Variants in CSMD1 observed in about 807,000 individuals in gnomAD.
The protein encoded by CSMD1 is CUB and Sushi multiple domains 1, also known as CUB and sushi domain-containing protein 1.
Under a neutral mutation model 417.5 loss-of-function variants are expected in CSMD1, and 213 were observed. The ratio of observed to expected loss-of-function variants is 0.51; its 90% CI spans 0.46 to 0.57. CSMD1 has a LOEUF of 0.57. CSMD1 is among the 20% of genes least tolerant of loss of function. The probability of loss-of-function intolerance (pLI) is 0.00; values close to 1 mark genes in which losing one functional copy is unlikely to be tolerated. For synonymous variants in CSMD1, 2,862 were observed against 1,736.8 expected (o/e 1.65, Z -16.11); for missense variants, 6,923 against 4,529.7 (o/e 1.53, Z -15.17).
rs1033952038 is a variant in CSMD1 at position 4,451,371 on chromosome 8, G to A, written c.303-31306C>T. Among the ~76,000 whole-genome samples, 4 of 152,162 alleles carry A rather than the reference G, an allele frequency of 2.6e-5. No individual in the cohort carries two copies. The East Asian group carries it at 5.8e-4, about 22-fold the overall frequency. ...ACTCAAAATAATAAGGCAATCACAA[G>A]TGTTTATGGAAGATAATTATTGAAC... is the stretch of plus-strand genomic sequence containing the variant. On this transcript the variant is annotated intron_variant, in intron 2 of 69. Transcript: ENST00000635120.
intron 6 of CSMD1, among the ~76,000 whole-genome samples, chr8:3,750,909 C>G (rs761312260): frequency 6.6e-6 from 1 of 152,132 alleles, no homozygotes; most frequent in South Asian, 2.1e-4. Context: ...GAAAAATAAT[C>G]GTAGTGCCTT....
intron 68 of CSMD1, among the ~76,000 whole-genome samples, chr8:2,946,520 C>A (rs1428256911): frequency 6.6e-6 from 1 of 152,216 alleles, no homozygotes; most frequent in African/African-American, 2.4e-5. Context: ...GCTTCCTTCA[C>A]TTGGCATGAC....
chr8:4,730,266 G>T (rs556918434), intron 1 of CSMD1, among the ~76,000 whole-genome samples: 1 of 152,158 alleles, frequency 6.6e-6, no homozygotes, highest in African/African-American at 2.4e-5. Context: ...TTTATGTTCA[G>T]GGAACTCAGA....
chr8:3,318,765 G>A (rs1445704088), intron 23 of CSMD1, among the ~76,000 whole-genome samples: 2 of 152,110 alleles, frequency 1.3e-5, no homozygotes, highest in Admixed American at 6.6e-5. Flanking sequence ...GGGTTTCTGT[G>A]GAAGCCAGAT....
At chr8:4,300,567 G>A (rs1243985810) in intron 3 of CSMD1, among the ~76,000 whole-genome samples, 1 of 152,026 alleles carries the variant, frequency 6.6e-6, no homozygotes, top group East Asian at 1.9e-4. Context: ...AAGTTTTAGG[G>A]TACATGTGCA....
At position 4,437,311 on chromosome 8, in the gene CSMD1, G is replaced by GA. The variant is rs969094987; in HGVS notation, c.303-17247dup. On this transcript the variant is annotated intron_variant, in intron 2 of 69. Coordinates refer to ENST00000635120, the MANE Select transcript of CSMD1 (RefSeq NM_033225.6). ...TGAAATATGATTATTTAGTTTGAGA[G>GA]AAAAAAAATAAGCTTGTTTTAAAAA... Among the ~76,000 whole-genome samples the GA allele has an allele frequency of 6.6e-5, 10 of 151,902 alleles. No individual in the cohort carries two copies. In the South Asian group the frequency reaches 8.3e-4, roughly 13 times the overall value.
At chr8:3,535,011 A>T (rs186089011) in intron 10 of CSMD1, among the ~76,000 whole-genome samples, 79 of 152,312 alleles carry the variant, frequency 5.2e-4, no homozygotes, top group Middle Eastern at 3.4e-3. Context: ...GCAGTGGTGC[A>T]ATCAGAACTC....
chr8:3,594,115 G>T (rs1449277967), intron 8 of CSMD1, among the ~76,000 whole-genome samples: 2 of 152,074 alleles, frequency 1.3e-5, no homozygotes, highest in Non-Finnish European at 2.9e-5. Context: ...AAAACATTTA[G>T]CTGCTCCTCA....
intron 2 of CSMD1, among the ~76,000 whole-genome samples, chr8:4,595,629 C>T (rs1216522429): frequency 6.6e-6 from 1 of 152,130 alleles, no homozygotes; most frequent in Non-Finnish European, 1.5e-5. Context: ...AAGCTGGGTA[C>T]TGCGATGCAT....
intron 5 of CSMD1, among the ~76,000 whole-genome samples, chr8:3,909,696 C>T (rs1035745153): frequency 4.6e-5 from 7 of 152,082 alleles, no homozygotes; most frequent in Admixed American, 6.5e-5. Context: ...ATTCCTCCTT[C>T]GAAATTCTTG....
chr8:4,188,333 G>A (rs953240747), intron 3 of CSMD1, among the ~76,000 whole-genome samples: 2 of 152,106 alleles, frequency 1.3e-5, no homozygotes, highest in African/African-American at 4.8e-5. Context: ...TGGACCAAAT[G>A]AAAGACAATG....
At position 3,664,606 on chromosome 8, in the gene CSMD1, C is replaced by G. The variant is rs572809040; in HGVS notation, c.1009+43808G>C. Among the ~76,000 whole-genome samples, 24 of 152,342 alleles carry G rather than the reference C, an allele frequency of 1.6e-4. No individual in the cohort carries two copies. In the South Asian group the frequency reaches 4.8e-3, roughly 30 times the overall value. ...GAGTTTTCCTCTGCCTTGTATTATT[C>G]TGTCTGTCTCCCCACCATTTCAAAG... On this transcript the variant is annotated intron_variant, in intron 7 of 69. Transcript: ENST00000635120.
At chr8:4,276,133 A>C (rs192208254) in intron 3 of CSMD1, among the ~76,000 whole-genome samples, 1 of 152,316 alleles carries the variant, frequency 6.6e-6, no homozygotes, top group Non-Finnish European at 1.5e-5. Flanking sequence ...ATATACCCAA[A>C]GGGTTATAAA....
chr8:3,998,970 A>G (rs117482219), intron 4 of CSMD1, among the ~76,000 whole-genome samples: 5,817 of 147,278 alleles, frequency 0.039, 157 homozygotes, highest in Middle Eastern at 0.066. Flanking sequence ...TAGTTTATAT[A>G]TAAATAACAT....
At chr8:4,648,649 T>A (rs1803688566) in intron 1 of CSMD1, among the ~76,000 whole-genome samples, 1 of 152,324 alleles carries the variant, frequency 6.6e-6, no homozygotes, top group Non-Finnish European at 1.5e-5. Context: ...ACGTTGCTCA[T>A]TTCACAGACA....
At chr8:3,956,827 G>T (rs527577208) in intron 5 of CSMD1, among the ~76,000 whole-genome samples, 2 of 152,314 alleles carry the variant, frequency 1.3e-5, no homozygotes, top group African/African-American at 2.4e-5. Flanking sequence ...ACGGAAGGAA[G>T]AGAGAATGTT....
intron 6 of CSMD1, among the ~76,000 whole-genome samples, chr8:3,713,114 T>C (rs1049170138): frequency 6.6e-6 from 1 of 152,146 alleles, no homozygotes; most frequent in Non-Finnish European, 1.5e-5. Flanking sequence ...TTTAGGAAGA[T>C]AAATTATGGG....
chr8:3,164,348 C>A (rs1015564751), intron 37 of CSMD1, among the ~76,000 whole-genome samples: 2 of 152,076 alleles, frequency 1.3e-5, no homozygotes, highest in Non-Finnish European at 2.9e-5. Context: ...TATGAAGTAC[C>A]ATAAGCATTA....
At chr8:3,802,515 GC>G (rs1224345209) in intron 5 of CSMD1, among the ~76,000 whole-genome samples, 1 of 152,090 alleles carries the variant, frequency 6.6e-6, no homozygotes, top group Non-Finnish European at 1.5e-5. Flanking sequence ...CACTTTCTAA[GC>G]TCAGTGGGAA....
Sources: gnomAD v4.1 joint callset for allele counts (sites outside exome capture counted in the v4.1 genomes callset) on GRCh38, gnomAD v4.1.1 for gene constraint, MANE v1.5 for transcripts, NCBI Gene and HGNC (gene_info 2026-07-23, HGNC 2026-07-21) for gene names.